The following ARHGEF25 variants were observed in gnomAD, a reference collection of about 807,000 sequenced individuals.
The protein encoded by ARHGEF25 is RAC/CDC42 exchange factor.
A neutral mutation model predicts 74.0 loss-of-function variants in ARHGEF25; 42 were observed. The observed-to-expected ratio is 0.57, with a 90% CI of 0.44 to 0.73. ARHGEF25 has a LOEUF of 0.73. ARHGEF25 is among the 30% of genes least tolerant of loss of function. ARHGEF25 has a pLI of 0.00. For missense variants in ARHGEF25, 645 were observed against 725.5 expected (o/e 0.89, Z 1.27); for synonymous variants, 293 against 278.6 (o/e 1.05, Z -0.51).
rs972148179 is a variant in ARHGEF25 at position 57,611,695 on chromosome 12, A to C, written c.-200A>C. ...CCGGGCCCCGCGCCTCTCTCTCTCT[A>C]GAGCCCCCAGCCCTCCTCAAGACTA... is the stretch of plus-strand genomic sequence containing the variant. On this transcript the variant is annotated 5_prime_UTR_variant, in exon 1 of 15. Transcript: ENST00000286494. This position sits in a 1 kb window ranked among gnomAD's most constrained non-coding sequence, Gnocchi z 4.5. The C allele has an allele frequency of 3.5e-6, 4 of 1,135,006 alleles. No individual in the cohort carries two copies. The highest frequency in any genetic ancestry group is 4.3e-6 in the Non-Finnish European group (4 of 926,744). 70.3% of individuals were successfully genotyped at this position (1,135,006 alleles called of 1,614,324 possible).
At position 57,615,124 on chromosome 12, in the gene ARHGEF25, G is replaced by A; in HGVS notation, c.960+107G>A. The A allele has an allele frequency of 1.9e-6, 3 of 1,565,604 alleles. No individual in the cohort carries two copies. The South Asian group carries it at 3.4e-5, about 18-fold the overall frequency. On this transcript the variant is annotated intron_variant, in intron 10 of 14. Transcript: ENST00000286494. ...GGTTTACAGCTGTCTGGTTTTTAGG[G>A]GGAGGCTGGTTGGGGTTGAGATACC...
intron 14 of ARHGEF25, 130 bp downstream of exon 14, chr12:57,616,625 C>T: frequency 8.0e-6 from 8 of 1,002,346 alleles, no homozygotes; most frequent in Non-Finnish European, 9.0e-6. Flanking sequence ...ATCCCTTACG[C>T]TTCTCCCCTC....
In ARHGEF25 at chr12:57,616,472, G is replaced by A; in HGVS notation, c.1609G>A (p.Ala537Thr). 6.2e-7 allele frequency: 1 copy of A among 1,614,122 alleles called. No individual in the cohort carries two copies. The highest frequency in any genetic ancestry group is 8.5e-7 in the Non-Finnish European group (1 of 1,179,996). Residue 537 changes from alanine to threonine, a missense_variant, in exon 14 of 15, where the codon GCC becomes ACC. Physicochemically the swap from Ala to Thr is moderately conservative, Grantham distance 58. Around this residue, in one of 3 missense-constraint regions of ARHGEF25, gnomAD observed 262 missense variants for 256.9 expected, o/e 1.02. Coordinates refer to ENST00000286494, the MANE Select transcript of ARHGEF25 (RefSeq NM_182947.4). Reference protein sequence around the residue: ...LLSPKGEVARALLPLDKQALG... With the variant: ...LLSPKGEVARTLLPLDKQALG... The stretch of plus-strand genomic sequence containing the variant: ...GTCACCCAAAGGGGAGGTGGCCAGA[G>A]CCCTCTTGCCACTGGATAAACAGGT...
In ARHGEF25 at chr12:57,613,065, T is replaced by A. The variant is rs748430628; in HGVS notation, c.233T>A (p.Leu78Gln). ...SPGPPGPVSG[L>Q]RRWLDHSKHC... ...GGCCCCCCAGGGCCCGTCAGTGGCC[T>A]GAGGAGATGGTTGGATCATTCCAAA... is the stretch of plus-strand genomic sequence containing the variant. The change falls in exon 2 of 15, where the codon CTG (leucine) becomes CAG (glutamine). Residue 78 changes from leucine (L) to glutamine (Q), a missense_variant. Around this residue, in one of 3 missense-constraint regions of ARHGEF25, gnomAD observed 189 missense variants for 199.1 expected, o/e 0.95. Transcript: ENST00000286494. The A allele has an allele frequency of 1.2e-6, 2 of 1,613,978 alleles. No homozygotes were observed.
At position 57,611,728 on chromosome 12, in the gene ARHGEF25, G is replaced by T; in HGVS notation, c.-167G>T. 2 of 1,183,394 alleles carry T rather than the reference G, an allele frequency of 1.7e-6. No individual in the cohort carries two copies. The allele number at this position is 1,183,394 out of a possible 1,614,324, so 73.3% of individuals were successfully genotyped here. ...CAGCCCTCCTCAAGACTAGACTTCC[G>T]CCTACCCCTGGACACCTCCTCCCGG... On this transcript the variant is annotated 5_prime_UTR_variant, in exon 1 of 15. Transcript: ENST00000286494. The surrounding 1 kb of genome is among the most constrained non-coding windows in gnomAD (Gnocchi z 4.5).
At position 57,616,879 on chromosome 12, in the gene ARHGEF25, T is replaced by G. The variant is rs1389917371; in HGVS notation, c.1728T>G (p.Asp576Glu). The G allele has an allele frequency of 6.2e-7, 1 of 1,613,884 alleles. No individual in the cohort carries two copies. The highest frequency in any genetic ancestry group is 1.3e-5 in the African/African-American group (1 of 75,022). Residue 576 changes from aspartate (D) to glutamate (E), a missense_variant, in exon 15 of 15, where the codon GAT becomes GAG. Asp to Glu is a conservative substitution (Grantham distance 45). Transcript: ENST00000286494. ...GCCAAGCCAGACTTGCCAAGCTGGATGAAGATGAGCTGTAACTGGTGAAAA... is the reference window on the plus strand; with the variant it reads ...GCCAAGCCAGACTTGCCAAGCTGGAGGAAGATGAGCTGTAACTGGTGAAAA... The part of the protein sequence containing the change: ...PPCQARLAKL[D>E]EDEL
chr12:57,616,148 T>C, intron 13 of ARHGEF25, 131 bp downstream of exon 13: 1 of 1,461,846 alleles, frequency 6.8e-7, no homozygotes, highest in South Asian at 1.3e-5. Flanking sequence ...GCTCAAAATT[T>C]GATAGAATCC....
chr12:57,612,865 C>T, intron 1 of ARHGEF25, 65 bp from the exon 2 acceptor site: 1 of 1,566,976 alleles, frequency 6.4e-7, no homozygotes, highest in Non-Finnish European at 8.7e-7. Flanking sequence ...CTGGGAGTTC[C>T]CTGGGGACCC....
Position 57,616,946 on chromosome 12 carries a change from G to A in ARHGEF25, c.*52G>A. On this transcript the variant is annotated 3_prime_UTR_variant, in exon 15 of 15. Transcript: ENST00000286494. ...GACTCAGCCGCCTATTCCCCAAGGA[G>A]CTTCAGGGCAGTCCTTCTGGCACTG... is the stretch of plus-strand genomic sequence containing the variant. 1.4e-6 allele frequency: 2 copies of A among 1,406,194 alleles called. No homozygotes were observed. Among genetic ancestry groups the A allele is most frequent in the South Asian group, 1.2e-5 (1 of 86,270 alleles). The allele number at this position is 1,406,194 out of a possible 1,614,324, so 87.1% of individuals were successfully genotyped here. A position where few individuals can be genotyped will look rare whatever the true frequency, so the allele number is the denominator to read the frequency against.
chr12:57,616,624 G>A (rs1050418514), intron 14 of ARHGEF25, 129 bp downstream of exon 14: 21 of 1,013,116 alleles, frequency 2.1e-5, no homozygotes, highest in Admixed American at 1.7e-4. Flanking sequence ...CATCCCTTAC[G>A]CTTCTCCCCT....
upstream of ARHGEF25, among the ~76,000 whole-genome samples, chr12:57,610,868 G>A (rs1004731800): frequency 6.6e-6 from 1 of 152,132 alleles, no homozygotes; most frequent in Non-Finnish European, 1.5e-5. Flanking sequence ...AGTCGATCCC[G>A]AGCCCTCGCA....
At position 57,616,943 on chromosome 12, in the gene ARHGEF25, G is replaced by A. The variant is rs1884325300; in HGVS notation, c.*49G>A. The A allele has an allele frequency of 7.0e-7, 1 of 1,420,480 alleles. No homozygotes were observed. Among genetic ancestry groups the A allele is most frequent in the African/African-American group, 1.4e-5 (1 of 71,176 alleles). 88.0% of individuals were successfully genotyped at this position (1,420,480 alleles called of 1,614,324 possible). ...GCTGACTCAGCCGCCTATTCCCCAA[G>A]GAGCTTCAGGGCAGTCCTTCTGGCA... On this transcript the variant is annotated 3_prime_UTR_variant, in exon 15 of 15. Transcript: ENST00000286494.
At chr12:57,616,762 C>G (rs1349350875) in intron 14 of ARHGEF25, 22 bp from the exon 15 acceptor site, 1 of 1,547,904 alleles carries the variant, frequency 6.5e-7, no homozygotes. Flanking sequence ...TTTTGATCCT[C>G]TGACTTGAAT....
At chr12:57,612,027 G>A (rs1884077040) in intron 1 of ARHGEF25, 36 bp downstream of exon 1, 1 of 1,281,158 alleles carries the variant, frequency 7.8e-7, no homozygotes, top group Middle Eastern at 2.1e-4. Flanking sequence ...GTGTTGAGTG[G>A]GGGGCGGGCT....
rs780460921 is a variant in ARHGEF25, at chr12:57,614,321, ACC to A, written c.657-7_657-6del. The A allele has an allele frequency of 1.9e-6, 3 of 1,613,620 alleles. No individual in the cohort carries two copies. The Admixed American group carries it at 5.0e-5, about 27-fold the overall frequency. Reference sequence around the variant, plus strand: ...TATTTGACCTGCTGCTTCTCTACCAACCCCTCCAGCTATTTCTTGCAAGAGCT... The same window carrying A: ...TATTTGACCTGCTGCTTCTCTACCAACCTCCAGCTATTTCTTGCAAGAGCT... On this transcript the variant is annotated splice_region_variant and splice_polypyrimidine_tract_variant and intron_variant, in intron 6 of 14. Coordinates refer to ENST00000286494, the MANE Select transcript of ARHGEF25 (RefSeq NM_182947.4). This position sits in a 1 kb window ranked among gnomAD's most constrained non-coding sequence, Gnocchi z 4.6.
chr12:57,615,451 G>C lies in ARHGEF25; in HGVS notation c.1039-61G>C, dbSNP rs1363529939. On this transcript the variant is annotated intron_variant, in intron 11 of 14. Transcript: ENST00000286494. ...TTGGGCATGTCAGGCGAGGAAGGGAGGAGCAGAGAATTGTCCTTTTTCTTG... is the reference window on the plus strand; with the variant it reads ...TTGGGCATGTCAGGCGAGGAAGGGACGAGCAGAGAATTGTCCTTTTTCTTG... 4 of 1,606,268 alleles carry C rather than the reference G, an allele frequency of 2.5e-6. No homozygotes were observed. The African/African-American group carries it at 5.4e-5, about 22-fold the overall frequency.
chr12:57,611,484 G>T lies in ARHGEF25; in HGVS notation c.-411G>T. ...CCCGCACAGCGCCAGTGGCTCGGGG[G>T]TCGGCCCTCGCCTCCTCCCCGGCCC... On this transcript the variant is annotated 5_prime_UTR_variant, in exon 1 of 15. Transcript: ENST00000286494. This position sits in a 1 kb window ranked among gnomAD's most constrained non-coding sequence, Gnocchi z 4.5. The T allele has an allele frequency of 1.0e-6, 1 of 985,790 alleles. No individual in the cohort carries two copies. Among genetic ancestry groups the T allele is most frequent in the Non-Finnish European group, 1.2e-6 (1 of 830,244 alleles). The allele number at this position is 985,790 out of a possible 1,614,324, so 61.1% of individuals were successfully genotyped here. A position where few individuals can be genotyped will look rare whatever the true frequency, so the allele number is the denominator to read the frequency against.
intron 1 of ARHGEF25, 30 bp downstream of exon 1, chr12:57,612,021 T>G: frequency 6.1e-6 from 6 of 986,342 alleles, no homozygotes; most frequent in Non-Finnish European, 6.7e-6. Context: ...GGTCCAGTGT[T>G]GAGTGGGGGG....
upstream of ARHGEF25, chr12:57,611,429 C>G: frequency 1.0e-6 from 1 of 985,290 alleles, no homozygotes; most frequent in Non-Finnish European, 1.2e-6. The surrounding 1 kb of genome is among the most constrained non-coding windows in gnomAD (Gnocchi z 4.5). Flanking sequence ...CGCGGCCAGG[C>G]CTGTTATTCA....
Sources: allele counts gnomAD v4.1 joint callset (sites outside exome capture counted in the v4.1 genomes callset), GRCh38; gene constraint gnomAD v4.1.1; regional missense constraint gnomAD v4.1.1; non-coding constraint Gnocchi (gnomAD v3.1); transcripts MANE v1.5; gene names NCBI Gene and HGNC (gene_info 2026-07-23, HGNC 2026-07-21).